NALCN: variants seen among roughly 807,000 people sequenced by gnomAD.
NALCN encodes sodium leak channel, non-selective.
Under a neutral mutation model 225.3 loss-of-function variants are expected in NALCN, and 111 were observed. The ratio of observed to expected loss-of-function variants is 0.49; its 90% CI spans 0.42 to 0.58. The LOEUF (loss-of-function observed/expected upper bound fraction) is 0.58, where lower values mean the gene tolerates loss of function less well. NALCN is among the 20% of genes least tolerant of loss of function. The pLI is 0.00. For missense variants in NALCN, 1,378 were observed against 2,202.4 expected (o/e 0.63, Z 7.49); for synonymous variants, 764 against 769.0 (o/e 0.99, Z 0.11).
intron 18 of NALCN, among the ~76,000 whole-genome samples, chr13:101,120,520 TAAA>T (rs34604121): frequency 7.2e-6 from 1 of 139,118 alleles, no homozygotes; most frequent in African/African-American, 2.6e-5. Flanking sequence ...ATGCCAAACT[TAAA>T]AAAAAAAAAA....
chr13:101,125,630 G>A (rs1174367996), intron 17 of NALCN, among the ~76,000 whole-genome samples: 2 of 152,178 alleles, frequency 1.3e-5, no homozygotes, highest in East Asian at 3.9e-4. Flanking sequence ...CAGTGCAGTA[G>A]ATGGCACAGT....
At chr13:101,390,296 T>A (rs1249810234) in intron 3 of NALCN, among the ~76,000 whole-genome samples, 1 of 151,302 alleles carries the variant, frequency 6.6e-6, no homozygotes, top group Non-Finnish European at 1.5e-5. Flanking sequence ...CAAAAACTGT[T>A]CAGGAAATGA....
chr13:101,276,116 A>C (rs2042965847), intron 10 of NALCN, among the ~76,000 whole-genome samples: 1 of 150,538 alleles, frequency 6.6e-6, no homozygotes, highest in Non-Finnish European at 1.5e-5. Flanking sequence ...GGGGCCCCTA[A>C]GTGACAAGCA....
At chr13:101,116,937 A>C in intron 18 of NALCN, 1 of 515,918 alleles carries the variant, frequency 1.9e-6, no homozygotes, top group South Asian at 1.4e-5. Flanking sequence ...CACTAGAGTG[A>C]CAATGTGATC....
intron 34 of NALCN, among the ~76,000 whole-genome samples, chr13:101,077,145 T>C (rs1450480060): frequency 1.3e-5 from 2 of 152,216 alleles, no homozygotes; most frequent in East Asian, 3.9e-4. Context: ...CCTTCCACCA[T>C]GATCATAAGT....
At chr13:101,233,327 T>A (rs1203777645) in intron 12 of NALCN, among the ~76,000 whole-genome samples, 1 of 151,572 alleles carries the variant, frequency 6.6e-6, no homozygotes, top group Middle Eastern at 3.4e-3. Flanking sequence ...GAAATTCATG[T>A]TCTTGGGAAG....
intron 10 of NALCN, among the ~76,000 whole-genome samples, chr13:101,258,798 G>T (rs918073013): frequency 6.6e-6 from 1 of 152,108 alleles, no homozygotes; most frequent in Non-Finnish European, 1.5e-5. Flanking sequence ...AGAGACTTTT[G>T]ACTAAAAATG....
chr13:101,116,613 C>T lies in NALCN; in HGVS notation c.2193-5387G>A, dbSNP rs183118807. The T allele has an allele frequency of 4.9e-3, 2,362 of 484,538 alleles. 16 individuals carry two copies. Among genetic ancestry groups the T allele is most frequent in the Middle Eastern group, 0.028 (82 of 2,978 alleles). 30.0% of individuals were successfully genotyped at this position (484,538 alleles called of 1,614,324 possible). On this transcript the variant is annotated intron_variant, in intron 18 of 43. Transcript: ENST00000251127. ...ACATTCTGTAATGAAAGGGAGAGGC[C>T]TATGAGTCTTCAAATTATTTTCACT...
At chr13:101,318,324 G>T (rs927146390) in intron 7 of NALCN, among the ~76,000 whole-genome samples, 20 of 152,128 alleles carry the variant, frequency 1.3e-4, no homozygotes, top group African/African-American at 4.8e-4. Flanking sequence ...AGACACGCTG[G>T]CTGCGGTGGG....
intron 10 of NALCN, among the ~76,000 whole-genome samples, chr13:101,273,847 C>T (rs929006177): frequency 5.0e-4 from 74 of 147,384 alleles, no homozygotes; most frequent in Non-Finnish European, 9.1e-4. Flanking sequence ...ATCACGCCAC[C>T]GCACTCCAGC....
intron 13 of NALCN, among the ~76,000 whole-genome samples, chr13:101,197,580 T>C (rs2039943608): frequency 6.6e-6 from 1 of 152,180 alleles, no homozygotes; most frequent in African/African-American, 2.4e-5. Flanking sequence ...TTATCACATA[T>C]TAAACATCAC....
At chr13:101,068,374 G>A (rs1367768963) in intron 38 of NALCN, among the ~76,000 whole-genome samples, 9 of 152,132 alleles carry the variant, frequency 5.9e-5, no homozygotes, top group Non-Finnish European at 1.3e-4. Flanking sequence ...GGTAAATAAG[G>A]TGTACCTTTC....
At chr13:101,095,501 A>G (rs1224736384) in intron 28 of NALCN, 73 bp downstream of exon 28, 78 of 1,218,032 alleles carry the variant, frequency 6.4e-5, no homozygotes, top group Non-Finnish European at 9.0e-5. Flanking sequence ...GTTACATGCC[A>G]TATGATACTT....
intron 11 of NALCN, among the ~76,000 whole-genome samples, chr13:101,257,692 C>T (rs146611244): frequency 4.0e-5 from 6 of 151,870 alleles, no homozygotes; most frequent in East Asian, 1.9e-4. Flanking sequence ...TGGGTTTCTA[C>T]GTTGTCAATC....
At chr13:101,306,599 G>T (rs1200331769) in intron 7 of NALCN, among the ~76,000 whole-genome samples, 1 of 152,154 alleles carries the variant, frequency 6.6e-6, no homozygotes, top group Non-Finnish European at 1.5e-5. Flanking sequence ...GCATTTGCAG[G>T]AGGTGGGACA....
intron 1 of NALCN, among the ~76,000 whole-genome samples, chr13:101,413,360 A>G (rs1054207942): frequency 3.9e-5 from 6 of 152,126 alleles, no homozygotes; most frequent in Non-Finnish European, 8.8e-5. Context: ...AAAACATAAA[A>G]TAGAAATAAA....
chr13:101,055,561 G>T (rs1355628241), intron 43 of NALCN, 73 bp from the exon 44 acceptor site: 5 of 1,320,674 alleles, frequency 3.8e-6, no homozygotes, highest in Non-Finnish European at 5.3e-6. Context: ...AAAAACCCAT[G>T]ATATTCCCAT....
At chr13:101,074,724 G>C (rs1240347721) in intron 35 of NALCN, 62 bp from the exon 36 acceptor site, 69 of 1,099,578 alleles carry the variant, frequency 6.3e-5, no homozygotes, top group Non-Finnish European at 7.3e-5. Flanking sequence ...CAGAGACAGA[G>C]AGAGAGAGAG....
At chr13:101,302,571 TG>T (rs1245786953) in intron 7 of NALCN, among the ~76,000 whole-genome samples, 2 of 152,206 alleles carry the variant, frequency 1.3e-5, no homozygotes, top group Non-Finnish European at 1.5e-5. Context: ...AGTTCTTATT[TG>T]TATTACGATA....
Sources: allele counts gnomAD v4.1 joint callset (sites outside exome capture counted in the v4.1 genomes callset), GRCh38; gene constraint gnomAD v4.1.1; transcripts MANE v1.5; gene names NCBI Gene and HGNC (gene_info 2026-07-23, HGNC 2026-07-21).